The following ZNF185 variants were observed in gnomAD, a reference collection of about 807,000 sequenced individuals.
The protein encoded by ZNF185 is zinc finger protein 185 with LIM domain.
ZNF185 carries 56 observed loss-of-function variants against 58.6 expected under a neutral mutation model. The observed-to-expected ratio is 0.95, with a 90% CI of 0.77 to 1.19. ZNF185 has a LOEUF of 1.19. Ranked by LOEUF, ZNF185 falls within the 50% of genes most tolerant of loss-of-function variation. ZNF185 has a pLI of 0.00. For synonymous variants in ZNF185, 230 were observed against 215.9 expected (o/e 1.07, Z -0.57); for missense variants, 627 against 573.5 (o/e 1.09, Z -0.95).
chrX:152,949,443 G>A (rs1360846355), intron 16 of ZNF185, among the ~76,000 whole-genome samples: 3 of 112,394 alleles, frequency 2.7e-5, no homozygotes, highest in Middle Eastern at 4.6e-3. Context: ...GCCCCCTGGG[G>A]TTCTCTATTT....
In ZNF185 at chrX:152,915,404, G is replaced by A. The variant is rs782298839; in HGVS notation, c.224+201G>A. The stretch of plus-strand genomic sequence containing the variant: ...CCTTCCTTTTGGGAAGGGGAGTGTA[G>A]GAGTCACTTGGTCCAGGCCCTTGGC... On this transcript the variant is annotated intron_variant, in intron 3 of 22. Transcript: ENST00000449285. 6.2e-5 allele frequency among the ~76,000 whole-genome samples: 7 copies of A among 112,976 alleles called. No individual in the cohort carries two copies. The South Asian group carries it at 1.8e-3, about 29-fold the overall frequency.
chrX:152,937,662 G>A (rs1282903941), intron 14 of ZNF185, among the ~76,000 whole-genome samples: 4 of 112,559 alleles, frequency 3.6e-5, no homozygotes, highest in Middle Eastern at 4.6e-3. Flanking sequence ...TTAGAGCCAA[G>A]TATGAACTTA....
the ZNF185 span, among the ~76,000 whole-genome samples, chrX:152,908,530 G>T: frequency 8.9e-6 from 1 of 112,308 alleles, no homozygotes; most frequent in African/African-American, 3.2e-5. Context: ...CCTGCTCCGT[G>T]GGGTCCTGGA....
rs147235126 is a variant in ZNF185 at position 152,938,589 on chromosome X, C to T, written c.1211+426C>T. ...ACTGTATGTAGCTGGATGTGGTCAG[C>T]GATGAGTGTCCTTGTTGGGGAGTGC... On this transcript the variant is annotated intron_variant, in intron 15 of 22. Transcript: ENST00000449285. Among the ~76,000 whole-genome samples, 571 of 110,984 alleles carry T rather than the reference C, an allele frequency of 5.1e-3. 9 individuals carry two copies. The highest frequency in any genetic ancestry group is 0.018 in the African/African-American group (540 of 30,396).
chrX:152,899,597 A>G, the ZNF185 span, among the ~76,000 whole-genome samples: 1 of 112,984 alleles, frequency 8.9e-6, no homozygotes, highest in African/African-American at 3.2e-5. Context: ...CCAGACACGC[A>G]GCAGGTGCTC....
chrX:152,964,947 T>C (rs1556913347), intron 18 of ZNF185, among the ~76,000 whole-genome samples: 1 of 111,654 alleles, frequency 9.0e-6, no homozygotes, highest in Non-Finnish European at 1.9e-5. Context: ...CTCTGGACTC[T>C]AGGAGTGAGA....
intron 16 of ZNF185, among the ~76,000 whole-genome samples, chrX:152,951,106 G>GAC (rs2048266798): frequency 1.5e-5 from 1 of 65,291 alleles, no homozygotes; most frequent in African/African-American, 5.1e-5. Context: ...TTTTTTTTGA[G>GAC]ATGGAGTCTT....
chrX:152,939,371 T>C (rs1183629857), intron 15 of ZNF185, among the ~76,000 whole-genome samples: 1 of 111,485 alleles, frequency 9.0e-6, no homozygotes, highest in African/African-American at 3.3e-5. Context: ...CAGCAACTTG[T>C]GAGATGGGTA....
At chrX:152,923,111 G>A (rs1273062233) in intron 11 of ZNF185, among the ~76,000 whole-genome samples, 2 of 112,266 alleles carry the variant, frequency 1.8e-5, no homozygotes, top group Non-Finnish European at 3.8e-5. Context: ...TGTTTAAAGT[G>A]CCTGCCTGGA....
chrX:152,931,681 A>T, exon 13 of ZNF185: 1 of 1,208,496 alleles, frequency 8.3e-7, no homozygotes. Flanking sequence ...GGTCTTCCCC[A>T]GGCAACAAAG....
Position 152,923,472 on chromosome X carries a change from G to T in ZNF185, c.830+663G>T, listed in dbSNP as rs138916460. Among the ~76,000 whole-genome samples, 765 of 112,354 alleles carry T rather than the reference G, an allele frequency of 6.8e-3. 4 individuals are homozygous for T. The highest frequency in any genetic ancestry group is 0.033 in the Middle Eastern group (7 of 214). ...CTCCCTCTCTTGATCTTCTCTGGTTGTCTGACTCTCCCCATAAGAACTTTG... is the reference window on the plus strand; with the variant it reads ...CTCCCTCTCTTGATCTTCTCTGGTTTTCTGACTCTCCCCATAAGAACTTTG... On this transcript the variant is annotated intron_variant, in intron 11 of 22. Transcript: ENST00000449285.
chrX:152,917,344 C>T, exon 5 of ZNF185: 1 of 1,211,691 alleles, frequency 8.3e-7, no homozygotes, highest in Non-Finnish European at 1.1e-6. Context: ...TTCCCCAAGG[C>T]CAACGGGACT....
intron 15 of ZNF185, chrX:152,941,864 G>A: frequency 8.9e-7 from 1 of 1,118,118 alleles, no homozygotes; most frequent in South Asian, 2.1e-5. Context: ...AGTGGCTTTG[G>A]GGTGACCGCG....
chrX:152,919,016 A>G, exon 7 of ZNF185: 1 of 1,210,593 alleles, frequency 8.3e-7, no homozygotes, highest in Non-Finnish European at 1.1e-6. Context: ...GCTCTACATC[A>G]GGGGACACCG....
At chrX:152,933,537 G>A (rs1158914796) in intron 14 of ZNF185, among the ~76,000 whole-genome samples, 2 of 112,052 alleles carry the variant, frequency 1.8e-5, no homozygotes, top group African/African-American at 3.2e-5. Context: ...GGGAGTCAGG[G>A]GCCACTTTCT....
At chrX:152,935,158 C>T (rs1023092790) in intron 14 of ZNF185, among the ~76,000 whole-genome samples, 2 of 110,667 alleles carry the variant, frequency 1.8e-5, no homozygotes, top group African/African-American at 6.6e-5. Context: ...GTTGAATCCA[C>T]AGATGTGGAA....
chrX:152,951,750 T>C (rs185561895), intron 16 of ZNF185, among the ~76,000 whole-genome samples: 1,369 of 112,051 alleles, frequency 0.012, 18 homozygotes, highest in African/African-American at 0.042. Context: ...ATACTTTTTA[T>C]AGTACCATTT....
chrX:152,932,700 C>A (rs1280945874), intron 13 of ZNF185, among the ~76,000 whole-genome samples, 173 bp from the exon 15 acceptor site: 1 of 112,271 alleles, frequency 8.9e-6, no homozygotes, highest in Non-Finnish European at 1.9e-5. Flanking sequence ...GGAAAAAATA[C>A]AGAAATACTT....
chrX:152,934,465 T>C (rs2046030561), intron 14 of ZNF185, among the ~76,000 whole-genome samples: 1 of 112,533 alleles, frequency 8.9e-6, no homozygotes, highest in Admixed American at 9.4e-5. Context: ...ATCTGAAGAA[T>C]CTTCTAGATT....
Sources: allele counts gnomAD v4.1 joint callset (sites outside exome capture counted in the v4.1 genomes callset), GRCh38; gene constraint gnomAD v4.1.1; transcripts MANE v1.5; gene names NCBI Gene and HGNC (gene_info 2026-07-23, HGNC 2026-07-21).